The following CDC73 variants were observed in gnomAD, a reference collection of about 807,000 sequenced individuals.
CDC73 encodes parafibromin.
In CDC73, 21 loss-of-function variants were observed where a neutral mutation model predicts 83.7. The observed-to-expected ratio is 0.25, with a 90% CI of 0.18 to 0.36. The LOEUF (loss-of-function observed/expected upper bound fraction) is 0.36, where lower values mean the gene tolerates loss of function less well. Among genes scored for constraint, CDC73 ranks in the 10% least tolerant of loss-of-function variants. The pLI, the probability that CDC73 is intolerant of heterozygous loss-of-function variation, is 1.00. For synonymous variants in CDC73, 224 were observed against 212.9 expected, an observed-to-expected ratio of 1.05 and a Z score of -0.45; for missense variants, 342 against 653.3, an observed-to-expected ratio of 0.52 and a Z score of 5.19.
chr1:193,205,204 C>G (rs945789310), intron 11 of CDC73, among the ~76,000 whole-genome samples: 1 of 122,382 alleles, frequency 8.2e-6, no homozygotes, highest in Non-Finnish European at 1.7e-5. Context: ...GTCCCCCCCC[C>G]CCCCTTTTTT....
intron 10 of CDC73, among the ~76,000 whole-genome samples, chr1:193,188,602 CA>C (rs1676864255): frequency 6.6e-6 from 1 of 151,992 alleles, no homozygotes; most frequent in African/African-American, 2.4e-5. Flanking sequence ...ATAGGGGATA[CA>C]AAGTTGATTT....
intron 9 of CDC73, 39 bp downstream of exon 9, chr1:193,150,421 G>A (rs549034814): frequency 2.1e-6 from 3 of 1,410,298 alleles, no homozygotes; most frequent in South Asian, 2.3e-5. Flanking sequence ...TAGTGTGGTT[G>A]TGTTGAACTT....
At chr1:193,205,622 A>G (rs1325023830) in intron 11 of CDC73, among the ~76,000 whole-genome samples, 1 of 152,138 alleles carries the variant, frequency 6.6e-6, no homozygotes, top group Non-Finnish European at 1.5e-5. Flanking sequence ...CAGCCTTGTT[A>G]TACTTAGACT....
chr1:193,243,135 G>A (rs938367898), intron 15 of CDC73, among the ~76,000 whole-genome samples: 14 of 151,832 alleles, frequency 9.2e-5, no homozygotes, highest in African/African-American at 3.1e-4. Context: ...TAGTAGAGAC[G>A]GGGTTTCATC....
intron 10 of CDC73, among the ~76,000 whole-genome samples, chr1:193,185,728 T>G (rs1676795252): frequency 6.6e-6 from 1 of 152,160 alleles, no homozygotes; most frequent in African/African-American, 2.4e-5. Flanking sequence ...GCTACAGATT[T>G]TTTTTTAAGT....
chr1:193,171,192 G>A (rs979860515), intron 10 of CDC73, among the ~76,000 whole-genome samples: 1 of 152,188 alleles, frequency 6.6e-6, no homozygotes, highest in African/African-American at 2.4e-5. Flanking sequence ...AGGTCCCAGC[G>A]ATATTCCCAG....
At chr1:193,182,742 T>C (rs1393122372) in intron 10 of CDC73, among the ~76,000 whole-genome samples, 5 of 152,136 alleles carry the variant, frequency 3.3e-5, no homozygotes, top group Non-Finnish European at 7.4e-5. Flanking sequence ...ACAGATTTGT[T>C]CACATTTGTT....
intron 13 of CDC73, among the ~76,000 whole-genome samples, chr1:193,223,431 A>T (rs999994844): frequency 6.6e-6 from 1 of 152,118 alleles, no homozygotes; most frequent in African/African-American, 2.4e-5. Context: ...TTAAATATCT[A>T]GATACTGTTG....
At chr1:193,181,523 T>C in intron 10 of CDC73, 1 of 1,608,558 alleles carries the variant, frequency 6.2e-7, no homozygotes, top group Non-Finnish European at 8.5e-7. Flanking sequence ...TTCCAGGTCA[T>C]CTTTGCAAAG....
chr1:193,209,369 A>G (rs948186714), intron 11 of CDC73, among the ~76,000 whole-genome samples: 7 of 152,224 alleles, frequency 4.6e-5, no homozygotes, highest in Non-Finnish European at 7.3e-5. Flanking sequence ...TTTAGCATGC[A>G]TTATTATTTT....
In CDC73 at chr1:193,180,759, C is replaced by T. The variant is rs146711525; in HGVS notation, c.973-23036C>T. 291 of 1,614,072 alleles carry T rather than the reference C, an allele frequency of 1.8e-4. 1 individual carries two copies. In the African/African-American group the frequency reaches 1.9e-3, roughly 10 times the overall value. On this transcript the variant is annotated intron_variant, in intron 10 of 16. Transcript: ENST00000367435. The stretch of plus-strand genomic sequence containing the variant: ...AGTTATGTCTGGGAGGCAGATCTGG[C>T]TTCAGTAACTTATTGATTAAATATT...
At chr1:193,135,276 C>T (rs1373749188) in intron 3 of CDC73, 115 bp from the exon 4 acceptor site, 8 of 822,672 alleles carry the variant, frequency 9.7e-6, no homozygotes, top group South Asian at 3.1e-5. Flanking sequence ...AATTTTTTAC[C>T]TAGAGAAAAT....
At chr1:193,227,472 CA>C (rs201626808) in intron 13 of CDC73, among the ~76,000 whole-genome samples, 17 of 139,006 alleles carry the variant, frequency 1.2e-4, no homozygotes, top group South Asian at 2.3e-4. Flanking sequence ...GACCTCGTTT[CA>C]AAAAAAAAAG....
intron 15 of CDC73, among the ~76,000 whole-genome samples, chr1:193,247,129 G>T (rs965592846): frequency 2.0e-5 from 3 of 152,086 alleles, no homozygotes; most frequent in Admixed American, 6.6e-5. Flanking sequence ...GAACAAATTG[G>T]TTTGTGGCAA....
In CDC73 at chr1:193,254,346, TA is replaced by T. The variant is rs1345616538; in HGVS notation, c.*3635del. Among the ~76,000 whole-genome samples, 2 of 152,086 alleles carry T rather than the reference TA, an allele frequency of 1.3e-5. No homozygotes were observed. Among genetic ancestry groups the T allele is most frequent in the Non-Finnish European group, 2.9e-5 (2 of 67,948 alleles). On this transcript the variant is annotated 3_prime_UTR_variant, in exon 17 of 17. Coordinates refer to ENST00000367435, the MANE Select transcript of CDC73 (RefSeq NM_024529.5). ...AAAAAGTACAACATGAAAATTTAAT[TA>T]CATTAGCCTTAATATTACTTGACTG...
chr1:193,183,814 A>G (rs1268346808), intron 10 of CDC73, among the ~76,000 whole-genome samples: 1 of 151,918 alleles, frequency 6.6e-6, no homozygotes, highest in Non-Finnish European at 1.5e-5. Context: ...TTCTGCTGAT[A>G]TGATAATACT....
At chr1:193,215,177 CAGTT>C (rs2102041118) in intron 13 of CDC73, among the ~76,000 whole-genome samples, 1 of 152,324 alleles carries the variant, frequency 6.6e-6, no homozygotes, top group Admixed American at 6.5e-5. Flanking sequence ...TAGACCTCAA[CAGTT>C]AGCCTTTAAA....
intron 10 of CDC73, chr1:193,181,688 A>G (rs1676719749): frequency 3.2e-6 from 3 of 936,606 alleles, no homozygotes; most frequent in Non-Finnish European, 3.1e-6. Context: ...TCATTCTATA[A>G]AAATGAAGCA....
chr1:193,235,963 A>G (rs1677750577), intron 14 of CDC73, among the ~76,000 whole-genome samples: 1 of 152,224 alleles, frequency 6.6e-6, no homozygotes, highest in Admixed American at 6.5e-5. Context: ...ACAGAAGGGA[A>G]CAGAAAGGGC....
Sources: allele counts gnomAD v4.1 joint callset (sites outside exome capture counted in the v4.1 genomes callset), GRCh38; gene constraint gnomAD v4.1.1; transcripts MANE v1.5; gene names NCBI Gene and HGNC (gene_info 2026-07-23, HGNC 2026-07-21).